The following INPP4B variants were observed in gnomAD, a reference collection of about 807,000 sequenced individuals.
INPP4B encodes inositol polyphosphate 4-phosphatase type II.
In INPP4B, 55 loss-of-function variants were observed where a neutral mutation model predicts 122.5. The observed-to-expected ratio is 0.45, with a 90% CI of 0.36 to 0.56. The LOEUF (loss-of-function observed/expected upper bound fraction) is 0.56. Among genes scored for constraint, INPP4B ranks in the 20% least tolerant of loss-of-function variants. The pLI is 0.00. For missense variants in INPP4B, 1,000 were observed against 1,097.7 expected (o/e 0.91, Z 1.26); for synonymous variants, 403 against 388.7 (o/e 1.04, Z -0.43).
intron 12 of INPP4B, among the ~76,000 whole-genome samples, chr4:142,220,829 C>G (rs1270986227): frequency 3.9e-5 from 6 of 152,250 alleles, no homozygotes; most frequent in African/African-American, 1.4e-4. Flanking sequence ...TATATTCACA[C>G]TATGTCTTTC....
intron 7 of INPP4B, among the ~76,000 whole-genome samples, chr4:142,398,401 A>AATATATATATATATATAT (rs1206023677): frequency 3.5e-5 from 1 of 28,500 alleles, no homozygotes; most frequent in East Asian, 1.8e-3. Flanking sequence ...AAAAAAAAAA[A>AATATATATATATATATAT]ATATATATAT....
chr4:142,140,332 A>G (rs1807101538), intron 18 of INPP4B, among the ~76,000 whole-genome samples: 1 of 152,214 alleles, frequency 6.6e-6, no homozygotes, highest in Non-Finnish European at 1.5e-5. Flanking sequence ...GGCCTTTTAC[A>G]GGGCATTTCA....
intron 3 of INPP4B, among the ~76,000 whole-genome samples, chr4:142,436,808 A>AT (rs1554054752): frequency 0.26 from 18,433 of 69,826 alleles, 1,442 homozygotes; most frequent in East Asian, 0.54. Context: ...GAAAGAATCA[A>AT]TAAAAAAAAA....
chr4:142,508,886 C>T (rs1824358235), intron 2 of INPP4B, among the ~76,000 whole-genome samples: 1 of 152,130 alleles, frequency 6.6e-6, no homozygotes, highest in Non-Finnish European at 1.5e-5. Context: ...GGCAGCCCCT[C>T]ACTATGAAGA....
At chr4:142,183,487 G>C (rs1831774106) in intron 15 of INPP4B, among the ~76,000 whole-genome samples, 1 of 152,112 alleles carries the variant, frequency 6.6e-6, no homozygotes, top group African/African-American at 2.4e-5. Flanking sequence ...TAAAGTTTGA[G>C]ATGTTCTACA....
intron 1 of INPP4B, among the ~76,000 whole-genome samples, chr4:142,801,443 A>T (rs900832458): frequency 1.3e-5 from 2 of 152,182 alleles, no homozygotes; most frequent in Non-Finnish European, 2.9e-5. Flanking sequence ...ACATGCAGAG[A>T]CACCAGGGTT....
At position 142,766,384 on chromosome 4, in the gene INPP4B, T is replaced by G. The variant is rs944376058; in HGVS notation, c.-253-40483A>C. On this transcript the variant is annotated intron_variant, in intron 1 of 25. Transcript: ENST00000262992. ...GCAGAAAGCATAAGGTGTTTTTTTG[T>G]TTTTTTTTTCTGAGATGGAGTCTCA... 4.0e-5 allele frequency among the ~76,000 whole-genome samples: 6 copies of G among 148,320 alleles called. 1 individual carries two copies. In the South Asian group the frequency reaches 6.4e-4, roughly 16 times the overall value.
chr4:142,611,075 C>T (rs1320487686), intron 2 of INPP4B, among the ~76,000 whole-genome samples: 1 of 152,142 alleles, frequency 6.6e-6, no homozygotes, highest in African/African-American at 2.4e-5. Flanking sequence ...CACCTGGCTT[C>T]CAGGGAGGCC....
At chr4:142,519,711 C>T (rs1405658635) in intron 2 of INPP4B, among the ~76,000 whole-genome samples, 2 of 152,220 alleles carry the variant, frequency 1.3e-5, no homozygotes, top group South Asian at 2.1e-4. Flanking sequence ...GCACTCAAAG[C>T]ACATAATCTA....
intron 3 of INPP4B, among the ~76,000 whole-genome samples, chr4:142,443,831 GAGA>G (rs1302639865): frequency 6.6e-6 from 1 of 152,148 alleles, no homozygotes; most frequent in Non-Finnish European, 1.5e-5. Context: ...GGAGGAAGAA[GAGA>G]AGAAGATAAA....
chr4:142,093,854 T>C (rs753079891), intron 23 of INPP4B, among the ~76,000 whole-genome samples: 3 of 152,004 alleles, frequency 2.0e-5, no homozygotes, highest in Non-Finnish European at 4.4e-5. Flanking sequence ...CAGTGCCTTG[T>C]CTTAAACAAA....
intron 18 of INPP4B, among the ~76,000 whole-genome samples, chr4:142,144,026 C>T (rs1164093638): frequency 6.6e-6 from 1 of 151,888 alleles, no homozygotes; most frequent in African/African-American, 2.4e-5. Context: ...TTGACTCTAA[C>T]CATCCACAAC....
At chr4:142,768,399 A>C (rs80300720) in intron 1 of INPP4B, among the ~76,000 whole-genome samples, 1 of 152,146 alleles carries the variant, frequency 6.6e-6, no homozygotes. Context: ...TGCTACACAA[A>C]GTAGATAGCA....
intron 2 of INPP4B, among the ~76,000 whole-genome samples, chr4:142,657,187 C>T (rs1449936936): frequency 2.6e-5 from 4 of 152,084 alleles, no homozygotes; most frequent in African/African-American, 7.2e-5. Context: ...AAAACAAGCG[C>T]TTGGATCTAA....
chr4:142,090,211 T>C (rs1214345303), intron 23 of INPP4B, among the ~76,000 whole-genome samples: 1 of 152,170 alleles, frequency 6.6e-6, no homozygotes, highest in Non-Finnish European at 1.5e-5. Context: ...AAAGAGAGTG[T>C]GTTAGAATAC....
intron 1 of INPP4B, among the ~76,000 whole-genome samples, chr4:142,727,879 C>T (rs960002219): frequency 1.3e-5 from 2 of 152,092 alleles, no homozygotes. Flanking sequence ...CCCTGTCCCC[C>T]AACCCCCAAA....
At chr4:142,414,678 G>T (rs1000227771) in intron 5 of INPP4B, among the ~76,000 whole-genome samples, 4 of 152,154 alleles carry the variant, frequency 2.6e-5, no homozygotes, top group African/African-American at 4.8e-5. Flanking sequence ...ATATTACCTA[G>T]GTGGCTGAGA....
At chr4:142,057,595 C>T (rs1217724502) in intron 25 of INPP4B, among the ~76,000 whole-genome samples, 2 of 152,070 alleles carry the variant, frequency 1.3e-5, no homozygotes, top group Non-Finnish European at 2.9e-5. Context: ...TAGCCTATTT[C>T]TCATTTGCCT....
intron 2 of INPP4B, among the ~76,000 whole-genome samples, chr4:142,608,706 G>T (rs1324170986): frequency 6.6e-6 from 1 of 152,172 alleles, no homozygotes; most frequent in Non-Finnish European, 1.5e-5. Flanking sequence ...GGAAAGACCA[G>T]TTTCGTTGAG....
Sources: gnomAD v4.1 joint callset for allele counts (sites outside exome capture counted in the v4.1 genomes callset) on GRCh38, gnomAD v4.1.1 for gene constraint, MANE v1.5 for transcripts, NCBI Gene and HGNC (gene_info 2026-07-23, HGNC 2026-07-21) for gene names.